NCOR2: variants seen among roughly 807,000 people sequenced by gnomAD.
NCOR2 encodes nuclear receptor corepressor 2.
A neutral mutation model predicts 262.9 loss-of-function variants in NCOR2; 81 were observed. The ratio of observed to expected loss-of-function variants is 0.31; its 90% CI spans 0.26 to 0.37. The LOEUF (loss-of-function observed/expected upper bound fraction) is 0.37, where lower values mean the gene tolerates loss of function less well. Ranked by LOEUF, NCOR2 falls within the 10% of genes least tolerant of loss-of-function variation. The pLI is 1.00. For missense variants in NCOR2, 3,385 were observed against 3,621.4 expected, an observed-to-expected ratio of 0.93 and a Z score of 1.68; for synonymous variants, 1,659 against 1,559.3, an observed-to-expected ratio of 1.06 and a Z score of -1.51.
chr12:124,483,528 C>T lies in NCOR2; in HGVS notation c.411+68G>A. ...TCCCTGCACCCCTACCCACCACCTCCCACCCAGCCCAACCAGCAGCAGAAC... is the reference window on the plus strand; with the variant it reads ...TCCCTGCACCCCTACCCACCACCTCTCACCCAGCCCAACCAGCAGCAGAAC... On this transcript the variant is annotated intron_variant, in intron 3 of 46. Transcript: ENST00000405201. The surrounding 1 kb of genome is among the most constrained non-coding windows in gnomAD (Gnocchi z 6.3). The T allele has an allele frequency of 6.9e-7, 1 of 1,449,740 alleles. No individual in the cohort carries two copies. The highest frequency in any genetic ancestry group is 9.1e-7 in the Non-Finnish European group (1 of 1,096,394). The allele number at this position is 1,449,740 out of a possible 1,614,324, so 89.8% of individuals were successfully genotyped here. A position where few individuals can be genotyped will look rare whatever the true frequency, so the allele number is the denominator to read the frequency against.
intron 16 of NCOR2, among the ~76,000 whole-genome samples, chr12:124,390,753 G>A (rs1330580596): frequency 6.6e-6 from 1 of 152,258 alleles, no homozygotes; most frequent in African/African-American, 2.4e-5. Context: ...CTCTGTGCCA[G>A]GGCGGAGATG....
At chr12:124,537,132 CA>C (rs1026772895), upstream of NCOR2, among the ~76,000 whole-genome samples, 5 of 151,938 alleles carry the variant, frequency 3.3e-5, no homozygotes, top group Non-Finnish European at 7.4e-5. Flanking sequence ...TCAAATACAA[CA>C]AAAAAAATGT....
chr12:124,424,767 G>A (rs1224889285), intron 11 of NCOR2, among the ~76,000 whole-genome samples: 1 of 152,192 alleles, frequency 6.6e-6, no homozygotes, highest in African/African-American at 2.4e-5. Context: ...TGCTTTGGAG[G>A]AAGCTCTTGT....
At chr12:124,438,900 G>C (rs1286166478) in intron 7 of NCOR2, among the ~76,000 whole-genome samples, 1 of 120,866 alleles carries the variant, frequency 8.3e-6, no homozygotes. Flanking sequence ...GAGAGAGGGA[G>C]ACAGAGACCC....
intron 27 of NCOR2, among the ~76,000 whole-genome samples, chr12:124,353,140 G>T (rs2037644710): frequency 6.6e-6 from 1 of 152,174 alleles, no homozygotes; most frequent in South Asian, 2.1e-4. Flanking sequence ...GAAGGGCGCG[G>T]GTCATGGCCA....
intron 10 of NCOR2, 189 bp downstream of exon 12, chr12:124,429,424 C>T (rs2043788576): frequency 4.8e-6 from 3 of 626,090 alleles, no homozygotes; most frequent in East Asian, 2.8e-5. Context: ...ACATTAACAC[C>T]CCTCTCTCTG....
chr12:124,501,931 G>C (rs1305954180), intron 1 of NCOR2, among the ~76,000 whole-genome samples: 1 of 152,234 alleles, frequency 6.6e-6, no homozygotes, highest in Non-Finnish European at 1.5e-5. Context: ...GCCGGCCCGG[G>C]GGGAACTCTG....
chr12:124,480,743 G>A (rs548811609), intron 3 of NCOR2, among the ~76,000 whole-genome samples: 366 of 151,734 alleles, frequency 2.4e-3, no homozygotes, highest in African/African-American at 8.4e-3. Flanking sequence ...AGGCGCCCTT[G>A]TCCGGCTGTG....
Position 124,472,932 on chromosome 12 carries a change from C to T in NCOR2, c.591+20G>A, listed in dbSNP as rs1325706504. On this transcript the variant is annotated intron_variant, in intron 4 of 46. Transcript: ENST00000405201. ...TGGAGACTCAGAACAAACACTCCCC[C>T]TCCCCCTGCCCATTCACACCTGCTT... is the stretch of plus-strand genomic sequence containing the variant. 1 of 1,613,098 alleles carries T rather than the reference C, an allele frequency of 6.2e-7. No homozygotes were observed. Among genetic ancestry groups the T allele is most frequent in the Non-Finnish European group, 8.5e-7 (1 of 1,179,078 alleles).
In NCOR2 at chr12:124,420,063, AC is replaced by A. The variant is rs763243573; in HGVS notation, c.1384-9del. ...GACGCACTCAGCCACTGTCTGTGGG[AC>A]AGAGAAAGAGGACGCTGAGCAGGGT... On this transcript the variant is annotated splice_polypyrimidine_tract_variant and intron_variant, in intron 12 of 46. Coordinates refer to ENST00000405201, the Ensembl canonical transcript of NCOR2. 1.9e-6 allele frequency: 3 copies of A among 1,609,102 alleles called. No homozygotes were observed. The South Asian group carries it at 3.3e-5, about 18-fold the overall frequency.
intron 10 of NCOR2, among the ~76,000 whole-genome samples, chr12:124,427,499 T>C (rs745619511): frequency 2.3e-4 from 35 of 152,250 alleles, no homozygotes; most frequent in East Asian, 2.1e-3. Context: ...TCTCCGGAGG[T>C]AGGCGAGGAC....
chr12:124,432,463 G>C lies in NCOR2; in HGVS notation c.883-1676C>G, dbSNP rs939588187. Among the ~76,000 whole-genome samples the C allele has an allele frequency of 6.6e-6, 1 of 152,060 alleles. No individual in the cohort carries two copies. The highest frequency in any genetic ancestry group is 1.9e-4 in the East Asian group (1 of 5,178). On this transcript the variant is annotated intron_variant, in intron 8 of 46. Transcript: ENST00000405201. The surrounding 1 kb of genome is among the most constrained non-coding windows in gnomAD (Gnocchi z 5.1). ...ACAAATCCAGTAAAATTTAAGAGTC[G>C]GGCTCTAGTTCTCCCCAGCCATGCT...
rs151062134 is a variant in NCOR2 at position 124,466,528 on chromosome 12, C to A, written c.592-242G>T. On this transcript the variant is annotated intron_variant, in intron 4 of 46. Coordinates refer to ENST00000405201, the Ensembl canonical transcript of NCOR2. ...GTTCAAATCCTGCCTTCGTGACTTG[C>A]CAGCCAGGGAAGCACAGCCAAGCAG... Among the ~76,000 whole-genome samples, 357 of 152,260 alleles carry A rather than the reference C, an allele frequency of 2.3e-3. 2 individuals carry two copies. Among genetic ancestry groups the A allele is most frequent in the African/African-American group, 8.2e-3 (342 of 41,536 alleles).
At chr12:124,333,668 G>GCC (rs869292965) in intron 41 of NCOR2, among the ~76,000 whole-genome samples, 1 of 100,750 alleles carries the variant, frequency 9.9e-6, no homozygotes, top group Non-Finnish European at 2.3e-5. Flanking sequence ...TACCCCCCCC[G>GCC]CCCCCACCAA....
At chr12:124,354,997 G>C (rs1203580884) in intron 24 of NCOR2, 58 bp from the exon 27 acceptor site, 2 of 1,454,750 alleles carry the variant, frequency 1.4e-6, no homozygotes, top group East Asian at 2.3e-5. Flanking sequence ...CCACAGTCCA[G>C]AGTGCCTGAC....
intron 22 of NCOR2, among the ~76,000 whole-genome samples, chr12:124,357,729 G>A (rs1177498163): frequency 1.3e-5 from 2 of 152,282 alleles, no homozygotes; most frequent in African/African-American, 2.4e-5. Flanking sequence ...TTCACTCTCC[G>A]GCTCTTTGCA....
chr12:124,524,607 G>A (rs764373430), intron 1 of NCOR2, among the ~76,000 whole-genome samples: 12 of 152,102 alleles, frequency 7.9e-5, no homozygotes, highest in Admixed American at 3.3e-4. Context: ...GTGCCTGAAC[G>A]TGTCCTACCC....
rs2041065082 is a variant in NCOR2 at position 124,389,030 on chromosome 12, A to C, written c.1877-3143T>G. The stretch of plus-strand genomic sequence containing the variant: ...CGCTGCCACCTCTGACGCCGTCCCC[A>C]AGCCGCTGTGGGCGCGCGAGGTGCC... On this transcript the variant is annotated intron_variant, in intron 16 of 46. Coordinates refer to ENST00000405201, the Ensembl canonical transcript of NCOR2. This position sits in a 1 kb window ranked among gnomAD's most constrained non-coding sequence, Gnocchi z 4.4. Among the ~76,000 whole-genome samples the C allele has an allele frequency of 6.6e-6, 1 of 152,048 alleles. No homozygotes were observed.
intron 1 of NCOR2, among the ~76,000 whole-genome samples, chr12:124,527,723 A>C (rs1398004910): frequency 6.6e-6 from 1 of 152,160 alleles, no homozygotes; most frequent in Non-Finnish European, 1.5e-5. Flanking sequence ...GTGCCCAGTC[A>C]ATTAAATAAA....
Sources: allele counts gnomAD v4.1 joint callset (sites outside exome capture counted in the v4.1 genomes callset), GRCh38; gene constraint gnomAD v4.1.1; non-coding constraint Gnocchi (gnomAD v3.1); transcripts MANE v1.5; gene names NCBI Gene and HGNC (gene_info 2026-07-23, HGNC 2026-07-21).